Variants in ADAM19 observed in about 807,000 individuals in gnomAD.
ADAM19 encodes the protein ADAM metallopeptidase domain 19.
Under a neutral mutation model 114.7 loss-of-function variants are expected in ADAM19, and 65 were observed. The observed-to-expected ratio is 0.57, with a 90% CI of 0.46 to 0.70. The LOEUF is 0.70. Among genes scored for constraint, ADAM19 ranks in the 30% least tolerant of loss-of-function variants. ADAM19 has a pLI of 0.00. For synonymous variants in ADAM19, 466 were observed against 460.5 expected, an observed-to-expected ratio of 1.01 and a Z score of -0.15; for missense variants, 1,063 against 1,204.7, an observed-to-expected ratio of 0.88 and a Z score of 1.74.
At chr5:157,550,263 T>C (rs200833817) in intron 3 of ADAM19, among the ~76,000 whole-genome samples, 3 of 130,576 alleles carry the variant, frequency 2.3e-5, no homozygotes, top group Non-Finnish European at 4.9e-5. Context: ...TATCCCAGGC[T>C]CTCTCCTGGC....
intron 4 of ADAM19, among the ~76,000 whole-genome samples, chr5:157,535,815 G>A (rs971455651): frequency 1.3e-5 from 2 of 152,224 alleles, no homozygotes; most frequent in Non-Finnish European, 2.9e-5. Flanking sequence ...TGGCAAATTC[G>A]TGGACTGAGA....
At chr5:157,545,519 A>G (rs577708375) in intron 3 of ADAM19, among the ~76,000 whole-genome samples, 1 of 152,224 alleles carries the variant, frequency 6.6e-6, no homozygotes, top group South Asian at 2.1e-4. Flanking sequence ...CCCTCATTCT[A>G]TGCGTTGCCC....
intron 16 of ADAM19, 22 bp downstream of exon 16, chr5:157,492,951 G>A: frequency 6.2e-7 from 1 of 1,613,048 alleles, no homozygotes; most frequent in South Asian, 1.1e-5. Context: ...TGGCTCCTAG[G>A]TGAGCAGGGG....
intron 5 of ADAM19, among the ~76,000 whole-genome samples, chr5:157,522,458 A>G (rs1756326630): frequency 6.6e-6 from 1 of 152,184 alleles, no homozygotes; most frequent in Non-Finnish European, 1.5e-5. Context: ...AAGTCCCACA[A>G]CCTTACCCTG....
At chr5:157,544,151 C>T (rs1165537654) in intron 3 of ADAM19, among the ~76,000 whole-genome samples, 1 of 152,156 alleles carries the variant, frequency 6.6e-6, no homozygotes, top group African/African-American at 2.4e-5. Context: ...TTGGAGGTTG[C>T]TCCTAGAGTA....
chr5:157,574,686 G>A (rs1757924839), intron 1 of ADAM19, among the ~76,000 whole-genome samples: 1 of 152,204 alleles, frequency 6.6e-6, no homozygotes, highest in African/African-American at 2.4e-5. Flanking sequence ...GAGAACCCGG[G>A]CACCGCCCCC....
chr5:157,490,273 A>C, intron 19 of ADAM19, 37 bp downstream of exon 19: 1 of 1,610,960 alleles, frequency 6.2e-7, no homozygotes, highest in Non-Finnish European at 8.5e-7. Context: ...TGTGACCCAT[A>C]AATTGACCCT....
chr5:157,562,168 G>A (rs1428787729), intron 3 of ADAM19, among the ~76,000 whole-genome samples: 2 of 152,254 alleles, frequency 1.3e-5, no homozygotes, highest in African/African-American at 4.8e-5. Flanking sequence ...TGCAGTTGGA[G>A]TTCCGCTCAC....
intron 9 of ADAM19, 53 bp from the exon 10 acceptor site, chr5:157,507,193 C>T (rs1311379674): frequency 1.3e-6 from 2 of 1,565,954 alleles, no homozygotes; most frequent in African/African-American, 2.7e-5. Flanking sequence ...GAGGGCTGTT[C>T]CAATGTGCCT....
intron 1 of ADAM19, 124 bp from the exon 2 acceptor site, chr5:157,571,104 C>T (rs1757809925): frequency 2.7e-6 from 2 of 739,666 alleles, no homozygotes; most frequent in Non-Finnish European, 4.5e-6. Flanking sequence ...ATTTCAGGCT[C>T]TTGGCACTTC....
intron 3 of ADAM19, among the ~76,000 whole-genome samples, chr5:157,548,398 C>T (rs1005443093): frequency 6.6e-6 from 1 of 152,302 alleles, no homozygotes; most frequent in South Asian, 2.1e-4. Context: ...ACATAGTTGG[C>T]ACTCACAATA....
intron 13 of ADAM19, among the ~76,000 whole-genome samples, chr5:157,498,062 GCACAGCCAAAC>G (rs1755425006): frequency 6.6e-6 from 1 of 152,186 alleles, no homozygotes; most frequent in African/African-American, 2.4e-5. Flanking sequence ...CCAGGGGGAC[GCACAGCCAAAC>G]CAGATGCCGT....
chr5:157,512,872 G>A (rs3734030), intron 8 of ADAM19, among the ~76,000 whole-genome samples: 63,167 of 152,076 alleles, frequency 0.42, 14,145 homozygotes, highest in African/African-American at 0.58. Context: ...TTTTAAGGCT[G>A]TGTGTCTTTC....
At chr5:157,556,007 A>G (rs1757356601) in intron 3 of ADAM19, among the ~76,000 whole-genome samples, 1 of 151,972 alleles carries the variant, frequency 6.6e-6, no homozygotes, top group Non-Finnish European at 1.5e-5. Context: ...ATCCAAGATA[A>G]TCTTCTCATC....
In ADAM19 at chr5:157,511,821, C is replaced by T. The variant is rs556355081; in HGVS notation, c.738+1613G>A. 5.3e-5 allele frequency among the ~76,000 whole-genome samples: 8 copies of T among 152,280 alleles called. No homozygotes were observed. In the East Asian group the frequency reaches 1.5e-3, roughly 29 times the overall value. On this transcript the variant is annotated intron_variant, in intron 8 of 22. Transcript: ENST00000257527. Reference sequence around the variant, plus strand: ...CCCGCCAGGAGTGACTAACACCAGCCGCGAGGAGAGAGCCAAGACGGCTGC... The same window carrying T: ...CCCGCCAGGAGTGACTAACACCAGCTGCGAGGAGAGAGCCAAGACGGCTGC...
intron 1 of ADAM19, among the ~76,000 whole-genome samples, chr5:157,572,453 T>C (rs1268273669): frequency 6.6e-6 from 1 of 152,162 alleles, no homozygotes; most frequent in African/African-American, 2.4e-5. Flanking sequence ...CTCCAAAATC[T>C]ATTCTGTCTA....
chr5:157,519,280 T>C (rs1365266613), intron 6 of ADAM19, among the ~76,000 whole-genome samples: 1 of 152,204 alleles, frequency 6.6e-6, no homozygotes, highest in Non-Finnish European at 1.5e-5. Flanking sequence ...TATGGTGTAG[T>C]GTCTACTCCA....
At chr5:157,514,114 A>G (rs1444600650) in intron 7 of ADAM19, among the ~76,000 whole-genome samples, 1 of 152,214 alleles carries the variant, frequency 6.6e-6, no homozygotes, top group Non-Finnish European at 1.5e-5. Flanking sequence ...TAAGGAGTAT[A>G]GAACTGAAAT....
intron 8 of ADAM19, among the ~76,000 whole-genome samples, chr5:157,509,806 G>A (rs1302276763): frequency 6.6e-6 from 1 of 152,202 alleles, no homozygotes; most frequent in East Asian, 1.9e-4. Context: ...ATTGCTTTCA[G>A]ATATGAATAG....
Sources: gnomAD v4.1 joint callset for allele counts (sites outside exome capture counted in the v4.1 genomes callset) on GRCh38, gnomAD v4.1.1 for gene constraint, MANE v1.5 for transcripts, NCBI Gene and HGNC (gene_info 2026-07-23, HGNC 2026-07-21) for gene names.